The following IQGAP2 variants were observed in gnomAD, a reference collection of about 807,000 sequenced individuals.
IQGAP2 encodes the protein ras GTPase-activating-like protein IQGAP2.
Under a neutral mutation model 201.3 loss-of-function variants are expected in IQGAP2, and 173 were observed. That is an observed-to-expected ratio of 0.86 (90% confidence interval 0.76 to 0.98). IQGAP2 has a LOEUF of 0.98. IQGAP2 is among the 50% of genes least tolerant of loss of function. The pLI, the probability that IQGAP2 is intolerant of heterozygous loss-of-function variation, is 0.00. For synonymous variants in IQGAP2, 675 were observed against 673.9 expected, an observed-to-expected ratio of 1.00 and a Z score of -0.03; for missense variants, 1,687 against 1,864.8, an observed-to-expected ratio of 0.90 and a Z score of 1.76.
chr5:76,538,205 C>T (rs984838701), intron 2 of IQGAP2, among the ~76,000 whole-genome samples: 4 of 152,270 alleles, frequency 2.6e-5, no homozygotes, highest in South Asian at 4.1e-4. Flanking sequence ...CATCAGATCT[C>T]GTGAGACTTA....
At chr5:76,606,066 C>A in intron 11 of IQGAP2, 113 bp from the exon 12 acceptor site, 1 of 902,668 alleles carries the variant, frequency 1.1e-6, no homozygotes, top group Non-Finnish European at 1.6e-6. Context: ...TGCCTTTCTA[C>A]TCTTTGTCTA....
At chr5:76,465,541 G>A (rs535334568) in intron 2 of IQGAP2, among the ~76,000 whole-genome samples, 2 of 152,232 alleles carry the variant, frequency 1.3e-5, no homozygotes, top group South Asian at 4.1e-4. Flanking sequence ...AGTTAGGCAA[G>A]AAAAATAAGC....
intron 13 of IQGAP2, among the ~76,000 whole-genome samples, chr5:76,625,902 T>A (rs185097857): frequency 2.0e-5 from 3 of 151,144 alleles, no homozygotes; most frequent in East Asian, 1.9e-4. Context: ...AAATGTCACA[T>A]GTTTCCTGAA....
intron 2 of IQGAP2, among the ~76,000 whole-genome samples, chr5:76,524,375 A>G (rs1250295760): frequency 6.6e-6 from 1 of 152,208 alleles, no homozygotes; most frequent in African/African-American, 2.4e-5. Context: ...AGTTTTTTAA[A>G]TAACAATTTA....
intron 10 of IQGAP2, among the ~76,000 whole-genome samples, chr5:76,599,888 A>G (rs761569688): frequency 6.6e-6 from 1 of 152,222 alleles, no homozygotes; most frequent in Non-Finnish European, 1.5e-5. Flanking sequence ...CCAAGATAAT[A>G]TAAAATGGTT....
chr5:76,509,579 A>G (rs1447487604), intron 2 of IQGAP2, among the ~76,000 whole-genome samples: 3 of 151,958 alleles, frequency 2.0e-5, no homozygotes, highest in African/African-American at 7.3e-5. Context: ...TATTTTTAGT[A>G]GAGATGGGGT....
chr5:76,626,490 C>T (rs543554720), intron 13 of IQGAP2, among the ~76,000 whole-genome samples: 81 of 151,994 alleles, frequency 5.3e-4, no homozygotes, highest in African/African-American at 1.9e-3. Flanking sequence ...AGGCTGGTCT[C>T]GAACTCCTGA....
intron 2 of IQGAP2, among the ~76,000 whole-genome samples, chr5:76,461,928 C>T (rs1163755539): frequency 2.6e-5 from 4 of 152,212 alleles, no homozygotes; most frequent in Non-Finnish European, 5.9e-5. Context: ...GCTGGGTGCA[C>T]ATCACACTCC....
chr5:76,577,796 A>G (rs1291551023), intron 5 of IQGAP2, among the ~76,000 whole-genome samples: 1 of 152,224 alleles, frequency 6.6e-6, no homozygotes, highest in African/African-American at 2.4e-5. Context: ...AGAAATGATG[A>G]TGGAAATGAA....
intron 13 of IQGAP2, among the ~76,000 whole-genome samples, chr5:76,620,530 G>T (rs148869260): frequency 1.3e-5 from 2 of 152,324 alleles, no homozygotes; most frequent in Non-Finnish European, 2.9e-5. Flanking sequence ...TCTGACTGAG[G>T]ATGAGTTGCT....
At chr5:76,590,100 C>G (rs1168440499) in intron 7 of IQGAP2, among the ~76,000 whole-genome samples, 1 of 152,182 alleles carries the variant, frequency 6.6e-6, no homozygotes, top group Non-Finnish European at 1.5e-5. Context: ...CCATGTCGCC[C>G]TGACCAGAGG....
At chr5:76,577,991 G>A (rs35699632) in intron 5 of IQGAP2, among the ~76,000 whole-genome samples, 10 of 152,196 alleles carry the variant, frequency 6.6e-5, no homozygotes, top group African/African-American at 9.6e-5. Flanking sequence ...GCCCCAGCCT[G>A]TGGGCCTGAC....
chr5:76,420,716 A>C (rs1462024947), intron 1 of IQGAP2, among the ~76,000 whole-genome samples: 1 of 152,140 alleles, frequency 6.6e-6, no homozygotes, highest in African/African-American at 2.4e-5. Context: ...CTCCATACAC[A>C]TTAAATAATA....
intron 5 of IQGAP2, among the ~76,000 whole-genome samples, chr5:76,580,550 G>A (rs1005649928): frequency 1.3e-5 from 2 of 152,194 alleles, no homozygotes; most frequent in Non-Finnish European, 2.9e-5. Context: ...ATACACATTC[G>A]CTATTTATCT....
At chr5:76,464,446 A>G (rs1181587638) in intron 2 of IQGAP2, among the ~76,000 whole-genome samples, 2 of 152,196 alleles carry the variant, frequency 1.3e-5, no homozygotes, top group African/African-American at 4.8e-5. Context: ...TTGAGTTTCT[A>G]CTAAATTGTA....
rs74863996 is a variant in IQGAP2 at position 76,462,048 on chromosome 5, A to T, written c.146+379A>T. On this transcript the variant is annotated intron_variant, in intron 2 of 35. Coordinates refer to ENST00000274364, the MANE Select transcript of IQGAP2 (RefSeq NM_006633.5). ...AAATGGTTGGGCAGAGTTGAGAAAAAGTTGATGCCACAGCCAAAGTTGAGG... is the reference window on the plus strand; with the variant it reads ...AAATGGTTGGGCAGAGTTGAGAAAATGTTGATGCCACAGCCAAAGTTGAGG... 8.2e-3 allele frequency among the ~76,000 whole-genome samples: 1,247 copies of T among 152,336 alleles called. 20 individuals are homozygous for T. Among genetic ancestry groups the T allele is most frequent in the African/African-American group, 0.029 (1,188 of 41,562 alleles).
intron 2 of IQGAP2, among the ~76,000 whole-genome samples, chr5:76,499,587 G>A (rs1397687188): frequency 1.3e-5 from 2 of 152,046 alleles, no homozygotes; most frequent in Non-Finnish European, 1.5e-5. Context: ...TTTAAAGCAT[G>A]GCATCACACA....
chr5:76,507,288 A>G (rs1261638706), intron 2 of IQGAP2, among the ~76,000 whole-genome samples: 2 of 152,198 alleles, frequency 1.3e-5, no homozygotes, highest in Non-Finnish European at 2.9e-5. Context: ...TTTTCAACGA[A>G]TGGTGCTGAA....
intron 2 of IQGAP2, among the ~76,000 whole-genome samples, chr5:76,498,439 A>G (rs1580325973): frequency 6.6e-6 from 1 of 152,182 alleles, no homozygotes; most frequent in East Asian, 1.9e-4. Context: ...CTTCTGTAGC[A>G]GAGACAGAAA....
Sources: allele counts gnomAD v4.1 joint callset (sites outside exome capture counted in the v4.1 genomes callset), GRCh38; gene constraint gnomAD v4.1.1; transcripts MANE v1.5; gene names NCBI Gene and HGNC (gene_info 2026-07-23, HGNC 2026-07-21).